The following MEIS2 variants were observed in gnomAD, a reference collection of about 807,000 sequenced individuals.
MEIS2 encodes homeobox protein Meis2.
Under a neutral mutation model 58.6 loss-of-function variants are expected in MEIS2, and 9 were observed. That is an observed-to-expected ratio of 0.15 (90% CI 0.09 to 0.27). The LOEUF (loss-of-function observed/expected upper bound fraction) is 0.27. Ranked by LOEUF, MEIS2 falls within the 10% of genes least tolerant of loss-of-function variation. The pLI is 1.00. For synonymous variants in MEIS2, 221 were observed against 228.4 expected, an observed-to-expected ratio of 0.97 and a Z score of 0.29; for missense variants, 427 against 635.0, an observed-to-expected ratio of 0.67 and a Z score of 3.52.
intron 9 of MEIS2, among the ~76,000 whole-genome samples, chr15:36,902,523 G>C (rs768815335): frequency 8.5e-5 from 13 of 152,158 alleles, no homozygotes; most frequent in Non-Finnish European, 1.3e-4. Context: ...ACATCACCTT[G>C]AGCTTGTTAG....
chr15:37,015,237 C>T (rs976683835), intron 8 of MEIS2, among the ~76,000 whole-genome samples: 7 of 152,282 alleles, frequency 4.6e-5, no homozygotes, highest in East Asian at 1.9e-4. Context: ...GAGCCTGTCA[C>T]GGCATGCATG....
chr15:36,892,478 A>G lies in MEIS2; in HGVS notation c.1148-19T>C. On this transcript the variant is annotated intron_variant, in intron 11 of 11. Transcript: ENST00000561208. ...TGCAAACCTGAAAATAGAGAGGGAA[A>G]AAGAAAGCGGGTCAAATTCCTAAAC... The G allele has an allele frequency of 3.7e-6, 6 of 1,606,568 alleles. No homozygotes were observed. The highest frequency in any genetic ancestry group is 5.1e-6 in the Non-Finnish European group (6 of 1,177,368).
At chr15:37,028,138 C>A (rs1448995475) in intron 8 of MEIS2, among the ~76,000 whole-genome samples, 2 of 152,184 alleles carry the variant, frequency 1.3e-5, no homozygotes, top group Non-Finnish European at 2.9e-5. Context: ...AGCTCATAAT[C>A]TGGGAGGTAA....
chr15:37,068,023 T>C (rs1353663468), intron 7 of MEIS2, among the ~76,000 whole-genome samples: 1 of 152,152 alleles, frequency 6.6e-6, no homozygotes, highest in African/African-American at 2.4e-5. Flanking sequence ...AGCACATAGA[T>C]CTTCAAATAT....
chr15:37,074,779 G>A (rs936842817), intron 7 of MEIS2, among the ~76,000 whole-genome samples: 1 of 151,946 alleles, frequency 6.6e-6, no homozygotes, highest in Admixed American at 6.6e-5. Flanking sequence ...GTAAAACTGG[G>A]ATTGGAACTC....
intron 7 of MEIS2, 103 bp downstream of exon 7, chr15:37,083,668 G>T (rs1892527479): frequency 3.7e-6 from 3 of 809,116 alleles, no homozygotes; most frequent in Non-Finnish European, 3.9e-6. Context: ...TCCCTAACCT[G>T]CCACTCTCCT....
intron 8 of MEIS2, among the ~76,000 whole-genome samples, chr15:36,974,936 CA>C (rs1199033470): frequency 1.3e-5 from 2 of 152,170 alleles, no homozygotes; most frequent in African/African-American, 4.8e-5. Flanking sequence ...GAGTCGGTCT[CA>C]TATTTTCCCA....
chr15:36,950,356 G>C lies in MEIS2; in HGVS notation c.945C>G (p.Asp315Glu), dbSNP rs2058712931. The C allele has an allele frequency of 6.2e-7, 1 of 1,612,750 alleles. No homozygotes were observed. The highest frequency in any genetic ancestry group is 1.7e-5 in the Admixed American group (1 of 59,954). ...SEEQKKQLAQDTGLTILQVNN... is the reference protein window; with the variant it reads ...SEEQKKQLAQETGLTILQVNN... ...TTACTTGGAGAATTGTAAGTCCTGT[G>C]TCTTGCGCTAACTGTTTCTTCTGCT... The change falls in exon 9 of 12, where the codon GAC becomes GAG. Residue 315 changes from aspartate to glutamate, a missense_variant. By Grantham distance (45) the Asp-to-Glu change is conservative. Coordinates refer to ENST00000561208, the MANE Select transcript of MEIS2 (RefSeq NM_170675.5).
chr15:36,952,178 G>C (rs1188361789), intron 8 of MEIS2, among the ~76,000 whole-genome samples: 1 of 152,128 alleles, frequency 6.6e-6, no homozygotes, highest in Non-Finnish European at 1.5e-5. Flanking sequence ...ACTGACGCCA[G>C]TGTGGCTTCA....
intron 6 of MEIS2, among the ~76,000 whole-genome samples, chr15:37,084,183 A>G (rs985798869): frequency 6.6e-6 from 1 of 152,218 alleles, no homozygotes; most frequent in East Asian, 1.9e-4. Flanking sequence ...AAACCTAAAC[A>G]AAGTTAATTT....
rs138533917 is a variant in MEIS2, at chr15:37,048,149, T to C, written c.755-11190A>G. Among the ~76,000 whole-genome samples the C allele has an allele frequency of 5.3e-3, 810 of 152,280 alleles. 4 individuals carry two copies. Among genetic ancestry groups the C allele is most frequent in the African/African-American group, 0.019 (772 of 41,564 alleles). ...AGAATTTCCTACAAAAGGCCGTTTA[T>C]ATAAAACACATTTTTAACATTTTAA... On this transcript the variant is annotated intron_variant, in intron 7 of 11. Transcript: ENST00000561208.
rs1438556989 is a variant in MEIS2 at position 37,098,035 on chromosome 15, A to G, written c.177T>C (p.Asn59=). 2 of 1,613,058 alleles carry G rather than the reference A, an allele frequency of 1.2e-6. No individual in the cohort carries two copies. The highest frequency in any genetic ancestry group is 1.7e-6 in the Non-Finnish European group (2 of 1,179,436). ...CGGATCCCATACTGGCCGGCATGAC[A>G]TTGGGGTGCGGGGCGTGCGCGCCGT... is the stretch of plus-strand genomic sequence containing the variant. ...QHYGAHAPHP[N]VMPASMGSAV... is the part of the protein sequence containing the mutation. Residue 59 remains asparagine, a synonymous_variant, in exon 2 of 12, where the codon AAT becomes AAC. Coordinates refer to ENST00000561208, the MANE Select transcript of MEIS2 (RefSeq NM_170675.5).
intron 8 of MEIS2, among the ~76,000 whole-genome samples, chr15:37,028,451 T>A (rs1595959620): frequency 6.6e-6 from 1 of 152,200 alleles, no homozygotes; most frequent in Non-Finnish European, 1.5e-5. Flanking sequence ...ATATGCAATT[T>A]TTCCCCCTCA....
intron 8 of MEIS2, among the ~76,000 whole-genome samples, chr15:37,009,100 T>G (rs1304290997): frequency 2.6e-5 from 4 of 152,172 alleles, no homozygotes; most frequent in South Asian, 4.2e-4. Flanking sequence ...CCATCCTGGC[T>G]AACACGGTGA....
chr15:36,903,273 A>C (rs1442327535), intron 9 of MEIS2, among the ~76,000 whole-genome samples: 1 of 152,214 alleles, frequency 6.6e-6, no homozygotes, highest in African/African-American at 2.4e-5. Flanking sequence ...GTAGCTATTT[A>C]TCATGCACTA....
At chr15:36,960,267 GTTA>G (rs2059137715) in intron 8 of MEIS2, among the ~76,000 whole-genome samples, 1 of 151,646 alleles carries the variant, frequency 6.6e-6, no homozygotes, top group South Asian at 2.1e-4. Context: ...TTTCAAAAAG[GTTA>G]TTATCTCTAG....
intron 7 of MEIS2, among the ~76,000 whole-genome samples, chr15:37,069,052 G>A (rs1470973691): frequency 6.6e-6 from 1 of 152,136 alleles, no homozygotes. Context: ...ACGTTAGCCA[G>A]GGCCCAATTT....
intron 7 of MEIS2, among the ~76,000 whole-genome samples, chr15:37,081,984 A>C (rs7161976): frequency 0.92 from 139,906 of 152,246 alleles, 64,367 homozygotes; most frequent in South Asian, 0.96. Flanking sequence ...CCACTCCAAA[A>C]CCTGGGTTCT....
intron 8 of MEIS2, among the ~76,000 whole-genome samples, chr15:37,034,451 G>T (rs1006631850): frequency 6.6e-6 from 1 of 152,150 alleles, no homozygotes; most frequent in Non-Finnish European, 1.5e-5. Context: ...ACAAAGCCTT[G>T]CATACATTCA....
Sources: allele counts gnomAD v4.1 joint callset (sites outside exome capture counted in the v4.1 genomes callset), GRCh38; gene constraint gnomAD v4.1.1; transcripts MANE v1.5; gene names NCBI Gene and HGNC (gene_info 2026-07-23, HGNC 2026-07-21).